Variants in KIF4A observed in about 807,000 individuals in gnomAD.
KIF4A encodes the protein kinesin family member 4A.
In KIF4A, 7 loss-of-function variants were observed where a neutral mutation model predicts 105.9. The observed-to-expected ratio is 0.07, with a 90% CI of 0.04 to 0.12. The LOEUF (loss-of-function observed/expected upper bound fraction) is 0.12, where lower values mean the gene tolerates loss of function less well. KIF4A is among the 10% of genes least tolerant of loss of function. The probability of loss-of-function intolerance (pLI) is 1.00; values close to 1 mark genes in which losing one functional copy is unlikely to be tolerated. For missense variants in KIF4A, 558 were observed against 929.2 expected, an observed-to-expected ratio of 0.60 and a Z score of 5.19; for synonymous variants, 281 against 331.3, an observed-to-expected ratio of 0.85 and a Z score of 1.65.
At chrX:70,365,672 G>A (rs758303331) in intron 15 of KIF4A, among the ~76,000 whole-genome samples, 2 of 111,104 alleles carry the variant, frequency 1.8e-5, no homozygotes, top group South Asian at 3.9e-4. Flanking sequence ...TTTTTGCATC[G>A]ATGTTCATCA....
chrX:70,334,783 C>T lies in KIF4A; in HGVS notation c.1133+1094C>T, dbSNP rs201434879. On this transcript the variant is annotated intron_variant, in intron 10 of 30. Transcript: ENST00000374403. ...AGTCAGAGTTACACAAAAAGATATA[C>T]TCAGAGCAGAGAAATGCAAATTAAA... 8.9e-5 allele frequency among the ~76,000 whole-genome samples: 10 copies of T among 111,812 alleles called. No individual in the cohort carries two copies. In the East Asian group the frequency reaches 2.5e-3, roughly 28 times the overall value.
chrX:70,355,675 C>G (rs2086047958), intron 15 of KIF4A, among the ~76,000 whole-genome samples: 2 of 111,244 alleles, frequency 1.8e-5, no homozygotes, highest in African/African-American at 6.5e-5. Flanking sequence ...GTACCAACAT[C>G]ACCTGGGAAG....
intron 26 of KIF4A, 35 bp from the exon 27 acceptor site, chrX:70,406,224 C>T: frequency 8.8e-7 from 1 of 1,131,140 alleles, no homozygotes; most frequent in East Asian, 3.0e-5. Flanking sequence ...AGAAGCTGCC[C>T]TGCATTATAT....
chrX:70,411,977 TACACAC>T (rs747340719), intron 28 of KIF4A, among the ~76,000 whole-genome samples: 1 of 106,487 alleles, frequency 9.4e-6, no homozygotes, highest in Non-Finnish European at 1.9e-5. Flanking sequence ...GCAGTTGTGA[TACACAC>T]ACACACACAC....
At chrX:70,354,687 G>T (rs1017969025) in intron 15 of KIF4A, among the ~76,000 whole-genome samples, 2 of 112,112 alleles carry the variant, frequency 1.8e-5, no homozygotes, top group Non-Finnish European at 3.8e-5. Flanking sequence ...AAGTGGGGAG[G>T]AGAGAACAGT....
At chrX:70,291,833 G>A (rs1277938470) in intron 3 of KIF4A, among the ~76,000 whole-genome samples, 2 of 111,542 alleles carry the variant, frequency 1.8e-5, no homozygotes, top group African/African-American at 6.5e-5. Context: ...TTGGGTTTTG[G>A]ACAAGTCTAA....
intron 23 of KIF4A, among the ~76,000 whole-genome samples, chrX:70,403,427 G>A (rs944766690): frequency 2.2e-4 from 25 of 112,662 alleles, no homozygotes; most frequent in African/African-American, 7.1e-4. Context: ...TGCAGTCTCA[G>A]TCTACAAGTT....
At chrX:70,325,801 T>C (rs2085908920) in intron 7 of KIF4A, among the ~76,000 whole-genome samples, 1 of 109,638 alleles carries the variant, frequency 9.1e-6, no homozygotes, top group Admixed American at 9.8e-5. Context: ...TGTGTCCTTG[T>C]AGATTATCCA....
At chrX:70,394,864 T>C (rs1319881994) in intron 20 of KIF4A, among the ~76,000 whole-genome samples, 1 of 112,347 alleles carries the variant, frequency 8.9e-6, no homozygotes, top group Non-Finnish European at 1.9e-5. Context: ...GATTCTAATA[T>C]AATCACTCTG....
At chrX:70,411,107 G>A (rs769051695) in intron 28 of KIF4A, among the ~76,000 whole-genome samples, 4 of 111,416 alleles carry the variant, frequency 3.6e-5, no homozygotes, top group Non-Finnish European at 7.5e-5. Context: ...AAAAGAGGAA[G>A]CAGGTATTTT....
intron 23 of KIF4A, 23 bp downstream of exon 23, chrX:70,402,718 G>C (rs1301108613): frequency 8.3e-7 from 1 of 1,200,832 alleles, no homozygotes; most frequent in Admixed American, 2.2e-5. Flanking sequence ...CTAACCAGCA[G>C]TTAGGAGGCT....
chrX:70,372,208 A>G (rs370474635), intron 15 of KIF4A, among the ~76,000 whole-genome samples: 86 of 103,275 alleles, frequency 8.3e-4, no homozygotes, highest in African/African-American at 2.8e-3. Flanking sequence ...ATGGGCGGCC[A>G]GGCAGAGACG....
intron 7 of KIF4A, among the ~76,000 whole-genome samples, chrX:70,304,409 T>C (rs1255087314): frequency 9.8e-6 from 1 of 102,446 alleles, no homozygotes; most frequent in African/African-American, 3.6e-5. Context: ...TATGTGTGCA[T>C]GTGTCTTTAT....
chrX:70,308,409 A>G (rs1051739777), intron 7 of KIF4A, among the ~76,000 whole-genome samples: 1 of 112,529 alleles, frequency 8.9e-6, no homozygotes, highest in South Asian at 3.7e-4. Context: ...ACAGATGAAG[A>G]TAAAATCTAC....
chrX:70,308,585 T>C (rs2085836268), intron 7 of KIF4A, among the ~76,000 whole-genome samples: 1 of 112,429 alleles, frequency 8.9e-6, no homozygotes, highest in Non-Finnish European at 1.9e-5. Flanking sequence ...TGCTTTTATC[T>C]CTTCGTGATA....
At chrX:70,364,616 C>A (rs2086092696) in intron 15 of KIF4A, among the ~76,000 whole-genome samples, 1 of 110,593 alleles carries the variant, frequency 9.0e-6, no homozygotes, top group Admixed American at 9.7e-5. Flanking sequence ...GTTTTGGTAC[C>A]AGTACCATGC....
chrX:70,349,968 G>GGGT (rs1555949246), intron 13 of KIF4A, among the ~76,000 whole-genome samples: 1 of 15,578 alleles, frequency 6.4e-5, no homozygotes, highest in Non-Finnish European at 1.2e-4. Context: ...TTCCCAGACG[G>GGGT]GGCGGCCGGG....
chrX:70,404,097 TA>T (rs768235181), intron 24 of KIF4A, 63 bp downstream of exon 24: 121 of 1,101,691 alleles, frequency 1.1e-4, no homozygotes, highest in African/African-American at 3.0e-4. Flanking sequence ...TTGTTAGTTT[TA>T]AAAAAAAAGT....
At chrX:70,372,867 T>C (rs1296575244) in intron 15 of KIF4A, among the ~76,000 whole-genome samples, 2 of 112,971 alleles carry the variant, frequency 1.8e-5, no homozygotes, top group Non-Finnish European at 3.7e-5. Context: ...GGTGTTATTA[T>C]TAATTATTGA....
Sources: allele counts gnomAD v4.1 joint callset (sites outside exome capture counted in the v4.1 genomes callset), GRCh38; gene constraint gnomAD v4.1.1; transcripts MANE v1.5; gene names NCBI Gene and HGNC (gene_info 2026-07-23, HGNC 2026-07-21).